The following LY75 variants were observed in gnomAD, a reference collection of about 807,000 sequenced individuals.
LY75 encodes lymphocyte antigen 75.
LY75 carries 185 observed loss-of-function variants against 231.7 expected under a neutral mutation model. The observed-to-expected ratio is 0.80, with a 90% CI of 0.71 to 0.90. The LOEUF (loss-of-function observed/expected upper bound fraction) is 0.90. LY75 is among the 40% of genes least tolerant of loss of function. LY75 has a pLI of 0.00. For missense variants in LY75, 1,947 were observed against 2,050.2 expected, an observed-to-expected ratio of 0.95 and a Z score of 0.97; for synonymous variants, 668 against 689.0, an observed-to-expected ratio of 0.97 and a Z score of 0.48.
At chr2:159,844,514 T>C (rs1684139885) in intron 23 of LY75, among the ~76,000 whole-genome samples, 1 of 152,102 alleles carries the variant, frequency 6.6e-6, no homozygotes, top group Admixed American at 6.5e-5. Context: ...TGGTGGCTAC[T>C]ACTGCTCCTG....
chr2:159,854,558 T>A, intron 17 of LY75, 23 bp from the exon 18 acceptor site: 1 of 1,607,924 alleles, frequency 6.2e-7, no homozygotes, highest in South Asian at 1.1e-5. Context: ...AAGAAAAAGA[T>A]TAGAATTATG....
intron 28 of LY75, among the ~76,000 whole-genome samples, chr2:159,826,658 G>A (rs1023646189): frequency 6.6e-6 from 1 of 151,944 alleles, no homozygotes; most frequent in African/African-American, 2.4e-5. Flanking sequence ...AGACAATCCT[G>A]GACAAGAAGA....
chr2:159,887,250 C>CACACACACACAT (rs60776463), intron 4 of LY75, among the ~76,000 whole-genome samples: 2 of 149,626 alleles, frequency 1.3e-5, no homozygotes, highest in Non-Finnish European at 3.0e-5. Context: ...CACACACACA[C>CACACACACACAT]GTGGTACAGT....
At chr2:159,865,416 A>G (rs113318579) in intron 13 of LY75, among the ~76,000 whole-genome samples, 1,730 of 152,260 alleles carry the variant, frequency 0.011, 23 homozygotes, top group African/African-American at 0.039. Context: ...AAAGAAATAT[A>G]CCAGAAAAAT....
intron 3 of LY75, among the ~76,000 whole-genome samples, chr2:159,892,091 A>G (rs1422145955): frequency 6.6e-6 from 1 of 152,158 alleles, no homozygotes; most frequent in Non-Finnish European, 1.5e-5. Flanking sequence ...CTACCTGGAA[A>G]CTTGCCAAAT....
At chr2:159,874,691 ATATATTT>A (rs1685182542) in intron 12 of LY75, among the ~76,000 whole-genome samples, 5 of 121,880 alleles carry the variant, frequency 4.1e-5, no homozygotes, top group Non-Finnish European at 8.1e-5. Flanking sequence ...ATGTAAATAT[ATATATTT>A]TGTAAATATA....
chr2:159,901,971 A>T (rs1686096309), intron 1 of LY75, among the ~76,000 whole-genome samples: 1 of 152,166 alleles, frequency 6.6e-6, no homozygotes, highest in South Asian at 2.1e-4. Context: ...CAGTCTTACG[A>T]CCCTTATTGG....
In LY75 at chr2:159,887,248, C is replaced by CACAT. The variant is rs923281435; in HGVS notation, c.803-719_803-718insATGT. ...ACACACACACACACACACACACACA[C>CACAT]ACGTGGTACAGTGGAGATAGATCAT... On this transcript the variant is annotated intron_variant, in intron 4 of 34. Coordinates refer to ENST00000263636, the MANE Select transcript of LY75 (RefSeq NM_002349.4). Among the ~76,000 whole-genome samples, 3 of 149,984 alleles carry CACAT rather than the reference C, an allele frequency of 2.0e-5. No homozygotes were observed. The East Asian group carries it at 5.8e-4, about 29-fold the overall frequency.
At chr2:159,890,410 T>C (rs962788703) in intron 3 of LY75, 33 bp from the exon 4 acceptor site, 17 of 1,609,860 alleles carry the variant, frequency 1.1e-5, no homozygotes, top group Non-Finnish European at 1.0e-5. Flanking sequence ...GATCATAAAG[T>C]AAGGACATAA....
intron 1 of LY75, 107 bp downstream of exon 1, chr2:159,904,482 C>T: frequency 8.0e-7 from 1 of 1,244,344 alleles, no homozygotes; most frequent in Non-Finnish European, 1.1e-6. Context: ...AACAGCAAAG[C>T]AGCCGTGACC....
intron 13 of LY75, among the ~76,000 whole-genome samples, chr2:159,865,789 C>T (rs192230937): frequency 6.6e-6 from 1 of 152,102 alleles, no homozygotes; most frequent in African/African-American, 2.4e-5. Flanking sequence ...TCAGATTGGC[C>T]AAGAGGAAGA....
intron 4 of LY75, among the ~76,000 whole-genome samples, chr2:159,888,944 A>G (rs1026783784): frequency 6.6e-6 from 1 of 152,184 alleles, no homozygotes; most frequent in Non-Finnish European, 1.5e-5. Context: ...ATGAAAGGAG[A>G]TAATGTATAA....
At chr2:159,812,375 A>T (rs1225882835) in intron 31 of LY75, 1 of 151,440 alleles carries the variant, frequency 6.6e-6, no homozygotes, top group Admixed American at 6.6e-5. Flanking sequence ...TTGTGGTAAA[A>T]TACACATAAC....
chr2:159,860,136 A>C (rs1163850428), intron 15 of LY75, among the ~76,000 whole-genome samples: 1 of 152,158 alleles, frequency 6.6e-6, no homozygotes, highest in African/African-American at 2.4e-5. Flanking sequence ...TGGATACATG[A>C]ATGCATTCTG....
In LY75 at chr2:159,850,152, A is replaced by T; in HGVS notation, c.2990-12T>A. 1 of 1,588,202 alleles carries T rather than the reference A, an allele frequency of 6.3e-7. No homozygotes were observed. Among genetic ancestry groups the T allele is most frequent in the Non-Finnish European group, 8.5e-7 (1 of 1,173,020 alleles). ...GGATGTAATAAAGTCTGTTAGAAAG[A>T]GATTTTTAAAAAGCATTTGATTTAT... is the stretch of plus-strand genomic sequence containing the variant. On this transcript the variant is annotated splice_polypyrimidine_tract_variant and intron_variant, in intron 22 of 34. Transcript: ENST00000263636.
intron 28 of LY75, among the ~76,000 whole-genome samples, chr2:159,824,365 CAAAG>C (rs1422342309): frequency 6.6e-6 from 1 of 152,070 alleles, no homozygotes; most frequent in African/African-American, 2.4e-5. Context: ...TCAAAAGAGA[CAAAG>C]AAGGCCATTA....
At position 159,841,322 on chromosome 2, in the gene LY75, C is replaced by T. The variant is rs185286920; in HGVS notation, c.3281-367G>A. Among the ~76,000 whole-genome samples the T allele has an allele frequency of 5.4e-3, 815 of 152,110 alleles. 9 individuals are homozygous for T. The highest frequency in any genetic ancestry group is 0.019 in the African/African-American group (788 of 41,496). On this transcript the variant is annotated intron_variant, in intron 24 of 34. Coordinates refer to ENST00000263636, the MANE Select transcript of LY75 (RefSeq NM_002349.4). ...CAAAGTTTTCACCTGGGAGAGCTAG[C>T]ATGAAGAAATGTAAGAAACCATCCA...
At chr2:159,889,951 G>A (rs966937511) in intron 4 of LY75, among the ~76,000 whole-genome samples, 2 of 152,090 alleles carry the variant, frequency 1.3e-5, no homozygotes, top group Non-Finnish European at 2.9e-5. Context: ...TTTAGGATTA[G>A]GGTAGCAGTT....
At chr2:159,877,063 A>G (rs1194172304) in intron 11 of LY75, among the ~76,000 whole-genome samples, 1 of 150,910 alleles carries the variant, frequency 6.6e-6, no homozygotes, top group Non-Finnish European at 1.5e-5. Flanking sequence ...AAAGAAATCT[A>G]TGTGCTTTAT....
Sources: allele counts gnomAD v4.1 joint callset (sites outside exome capture counted in the v4.1 genomes callset), GRCh38; gene constraint gnomAD v4.1.1; transcripts MANE v1.5; gene names NCBI Gene and HGNC (gene_info 2026-07-23, HGNC 2026-07-21).